DDHD1: variants seen among roughly 807,000 people sequenced by gnomAD.
The protein encoded by DDHD1 is DDHD domain containing 1.
A neutral mutation model predicts 96.4 loss-of-function variants in DDHD1; 49 were observed. That is an observed-to-expected ratio of 0.51 (90% confidence interval 0.40 to 0.64). The LOEUF is 0.64. DDHD1 is among the 30% of genes least tolerant of loss of function. The pLI, the probability that DDHD1 is intolerant of heterozygous loss-of-function variation, is 0.00. For synonymous variants in DDHD1, 442 were observed against 446.5 expected (o/e 0.99, Z 0.13); for missense variants, 1,106 against 1,161.2 (o/e 0.95, Z 0.69).
chr14:53,081,537 T>G (rs548099925), intron 4 of DDHD1, among the ~76,000 whole-genome samples: 1 of 152,336 alleles, frequency 6.6e-6, no homozygotes, highest in South Asian at 2.1e-4. Flanking sequence ...GGAGATATTT[T>G]TGGTTCTAAC....
intron 2 of DDHD1, among the ~76,000 whole-genome samples, chr14:53,094,843 C>CA (rs35080055): frequency 0.54 from 76,807 of 141,084 alleles, 21,898 homozygotes; most frequent in South Asian, 0.69. Flanking sequence ...GATCCTGTCT[C>CA]AAAAAAAAAA....
intron 1 of DDHD1, among the ~76,000 whole-genome samples, chr14:53,119,276 T>A (rs1178699314): frequency 6.6e-6 from 1 of 152,172 alleles, no homozygotes; most frequent in East Asian, 1.9e-4. Flanking sequence ...AATAACTAGC[T>A]AGCATCATAA....
intron 9 of DDHD1, among the ~76,000 whole-genome samples, chr14:53,056,538 C>T (rs534981111): frequency 6.6e-6 from 1 of 152,214 alleles, no homozygotes; most frequent in East Asian, 1.9e-4. Context: ...CTCAGGCAAT[C>T]CTCCCACCTC....
chr14:53,037,806 C>T lies in DDHD1; in HGVS notation c.*8962G>A, dbSNP rs746247630. ...CTTAGCCAAAAGTTCTTTGCCAAGGCTGATGTTGATAAGGGTATTTCCTAG... is the reference window on the plus strand; with the variant it reads ...CTTAGCCAAAAGTTCTTTGCCAAGGTTGATGTTGATAAGGGTATTTCCTAG... On this transcript the variant is annotated 3_prime_UTR_variant, in exon 13 of 13. Coordinates refer to ENST00000673822, the MANE Select transcript of DDHD1 (RefSeq NM_001160148.2). 1.3e-5 allele frequency: 2 copies of T among 152,108 alleles called. No individual in the cohort carries two copies. The highest frequency in any genetic ancestry group is 6.6e-5 in the Admixed American group (1 of 15,250). The allele number at this position is 152,108 out of a possible 1,614,324, so 9.4% of individuals were successfully genotyped here.
intron 1 of DDHD1, among the ~76,000 whole-genome samples, chr14:53,124,078 A>C (rs1889232204): frequency 6.6e-6 from 1 of 151,346 alleles, no homozygotes; most frequent in South Asian, 2.1e-4. Flanking sequence ...CTAAAAATAC[A>C]AAAAAAATTA....
chr14:53,076,882 T>C (rs1885006717), intron 4 of DDHD1, among the ~76,000 whole-genome samples: 1 of 152,226 alleles, frequency 6.6e-6, no homozygotes, highest in Non-Finnish European at 1.5e-5. Flanking sequence ...GTACACGATT[T>C]TTAAAGACAT....
intron 4 of DDHD1, among the ~76,000 whole-genome samples, chr14:53,089,950 G>A (rs1475335857): frequency 6.6e-6 from 1 of 152,194 alleles, no homozygotes; most frequent in Non-Finnish European, 1.5e-5. Context: ...TACAGAATGG[G>A]AGAAAATTTT....
chr14:53,062,823 A>G, intron 7 of DDHD1, 120 bp downstream of exon 7: 1 of 1,055,514 alleles, frequency 9.5e-7, no homozygotes, highest in Middle Eastern at 2.7e-4. Flanking sequence ...GCTATATAGT[A>G]ATCTTTGTAT....
intron 8 of DDHD1, 123 bp downstream of exon 8, chr14:53,061,003 T>C: frequency 1.1e-6 from 1 of 918,798 alleles, no homozygotes; most frequent in East Asian, 2.7e-5. Context: ...ATATAGTATA[T>C]GTTGAATAAA....
intron 1 of DDHD1, among the ~76,000 whole-genome samples, chr14:53,125,837 G>T (rs543375541): frequency 3.9e-4 from 59 of 151,990 alleles, no homozygotes; most frequent in Non-Finnish European, 7.2e-4. Flanking sequence ...GAGTAGCTGG[G>T]ATTACAGGTA....
At chr14:53,074,938 C>A (rs1884827776) in intron 4 of DDHD1, among the ~76,000 whole-genome samples, 1 of 152,088 alleles carries the variant, frequency 6.6e-6, no homozygotes, top group South Asian at 2.1e-4. Context: ...ATTATTATTA[C>A]ATCCACTATG....
chr14:53,115,459 G>A lies in DDHD1; in HGVS notation c.839-11603C>T, dbSNP rs1222094422. Among the ~76,000 whole-genome samples, 5 of 152,164 alleles carry A rather than the reference G, an allele frequency of 3.3e-5. No individual in the cohort carries two copies. The East Asian group carries it at 5.8e-4, about 18-fold the overall frequency. Reference sequence around the variant, plus strand: ...CCAAGGCTGAAACAAAGGAAAAAAGGTTAAGGGCATCCAGAGAGAAAGGTC... The same window carrying A: ...CCAAGGCTGAAACAAAGGAAAAAAGATTAAGGGCATCCAGAGAGAAAGGTC... On this transcript the variant is annotated intron_variant, in intron 1 of 12. Transcript: ENST00000673822.
chr14:53,046,647 A>G lies in DDHD1; in HGVS notation c.*121T>C. 1.7e-6 allele frequency: 1 copy of G among 571,870 alleles called. No homozygotes were observed. The highest frequency in any genetic ancestry group is 2.8e-6 in the Non-Finnish European group (1 of 351,998). 35.4% of individuals were successfully genotyped at this position (571,870 alleles called of 1,614,324 possible). A position where few individuals can be genotyped will look rare whatever the true frequency, so the allele number is the denominator to read the frequency against. On this transcript the variant is annotated 3_prime_UTR_variant, in exon 13 of 13. Coordinates refer to ENST00000673822, the MANE Select transcript of DDHD1 (RefSeq NM_001160148.2). Reference sequence around the variant, plus strand: ...AAATAAAGTGCTTTTAAATTCAAATATATGTTGCCCTAAAGAAAACTGAAA... The same window carrying G: ...AAATAAAGTGCTTTTAAATTCAAATGTATGTTGCCCTAAAGAAAACTGAAA...
intron 1 of DDHD1, among the ~76,000 whole-genome samples, chr14:53,128,853 T>C (rs773415208): frequency 3.3e-5 from 5 of 152,150 alleles, no homozygotes; most frequent in African/African-American, 4.8e-5. Context: ...CATTCCACCA[T>C]TGTGATATGT....
intron 1 of DDHD1, among the ~76,000 whole-genome samples, chr14:53,147,761 C>G (rs1891097010): frequency 6.6e-6 from 1 of 152,126 alleles, no homozygotes; most frequent in Admixed American, 6.5e-5. Context: ...TGGGAAATAA[C>G]ACAGTTATAA....
At chr14:53,108,181 G>A (rs752023001) in intron 1 of DDHD1, among the ~76,000 whole-genome samples, 5 of 152,114 alleles carry the variant, frequency 3.3e-5, no homozygotes, top group Non-Finnish European at 5.9e-5. Flanking sequence ...CCATCCCTCC[G>A]GATCCGGCAG....
chr14:53,077,825 C>T (rs1885109150), intron 4 of DDHD1, among the ~76,000 whole-genome samples: 1 of 152,132 alleles, frequency 6.6e-6, no homozygotes, highest in Non-Finnish European at 1.5e-5. Flanking sequence ...CACCTGCCAG[C>T]ACCCACTAAT....
Position 53,103,039 on chromosome 14 carries a change from T to C in DDHD1, c.1012+644A>G, listed in dbSNP as rs1355122840. Reference sequence around the variant, plus strand: ...TGTACAGTTATACTCACCAGAATAGTTGATCCCACTGCCTGCAGTAAATGG... The same window carrying C: ...TGTACAGTTATACTCACCAGAATAGCTGATCCCACTGCCTGCAGTAAATGG... On this transcript the variant is annotated intron_variant, in intron 2 of 12. Coordinates refer to ENST00000673822, the MANE Select transcript of DDHD1 (RefSeq NM_001160148.2). 2.5e-6 allele frequency: 4 copies of C among 1,568,816 alleles called. No homozygotes were observed. In the South Asian group the frequency reaches 3.5e-5, roughly 14 times the overall value.
chr14:53,151,170 C>T (rs533860917), intron 1 of DDHD1, among the ~76,000 whole-genome samples: 3 of 152,094 alleles, frequency 2.0e-5, no homozygotes, highest in Non-Finnish European at 2.9e-5. Context: ...CGGGCTCTGC[C>T]GATGGTAAGG....
Sources: gnomAD v4.1 joint callset for allele counts (sites outside exome capture counted in the v4.1 genomes callset) on GRCh38, gnomAD v4.1.1 for gene constraint, MANE v1.5 for transcripts, NCBI Gene and HGNC (gene_info 2026-07-23, HGNC 2026-07-21) for gene names.